The following FAM3D variants were observed in gnomAD, a reference collection of about 807,000 sequenced individuals.
The protein encoded by FAM3D is protein FAM3D.
Under a neutral mutation model 29.8 loss-of-function variants are expected in FAM3D, and 26 were observed. The ratio of observed to expected loss-of-function variants is 0.87; its 90% CI spans 0.64 to 1.21. The LOEUF (loss-of-function observed/expected upper bound fraction) is 1.21. Ranked by LOEUF, FAM3D falls within the 50% of genes most tolerant of loss-of-function variation. The pLI is 0.00. For synonymous variants in FAM3D, 115 were observed against 102.3 expected, an observed-to-expected ratio of 1.12 and a Z score of -0.75; for missense variants, 253 against 290.9, an observed-to-expected ratio of 0.87 and a Z score of 0.95.
At chr3:58,660,003 C>T (rs530043045) in intron 1 of FAM3D, among the ~76,000 whole-genome samples, 1 of 152,304 alleles carries the variant, frequency 6.6e-6, no homozygotes, top group East Asian at 1.9e-4. Flanking sequence ...TTCTGCTCCA[C>T]TTGTCTCTAC....
At chr3:58,638,268 T>A (rs1409382095) in intron 7 of FAM3D, among the ~76,000 whole-genome samples, 1 of 152,218 alleles carries the variant, frequency 6.6e-6, no homozygotes, top group African/African-American at 2.4e-5. Flanking sequence ...TATAGTTTCC[T>A]TTTAAGATAT....
At chr3:58,640,099 T>C in intron 7 of FAM3D, 28 bp downstream of exon 7, 1 of 1,613,692 alleles carries the variant, frequency 6.2e-7, no homozygotes, top group Non-Finnish European at 8.5e-7. Context: ...CCCCCGACTG[T>C]GACTTCAGTG....
chr3:58,637,283 C>T (rs2066202219), intron 7 of FAM3D, 58 bp from the exon 8 acceptor site: 1 of 1,478,292 alleles, frequency 6.8e-7, no homozygotes, highest in East Asian at 2.4e-5. Context: ...TGGTCATTCT[C>T]ATGCTTGTCT....
At chr3:58,655,737 AC>A in intron 1 of FAM3D, 136 bp from the exon 2 acceptor site, 1 of 622,372 alleles carries the variant, frequency 1.6e-6, no homozygotes, top group Non-Finnish European at 2.7e-6. Context: ...TGCCATATGA[AC>A]AAGAGGGCAA....
chr3:58,644,584 C>T (rs765152048), intron 5 of FAM3D, among the ~76,000 whole-genome samples: 13 of 152,142 alleles, frequency 8.5e-5, no homozygotes, highest in Non-Finnish European at 1.3e-4. Context: ...AGCGTGAAAA[C>T]GGACTAATAC....
At position 58,635,466 on chromosome 3, in the gene FAM3D, G is replaced by A. The variant is rs918006116; in HGVS notation, c.585+828C>T. Reference sequence around the variant, plus strand: ...CAGCTGGTTGCAGATGGATGAAGATGATGCTGGGCTTCCTGTACTCCCACG... The same window carrying A: ...CAGCTGGTTGCAGATGGATGAAGATAATGCTGGGCTTCCTGTACTCCCACG... On this transcript the variant is annotated intron_variant, in intron 9 of 9. Coordinates refer to ENST00000358781, the MANE Select transcript of FAM3D (RefSeq NM_138805.3). This position sits in a 1 kb window ranked among gnomAD's most constrained non-coding sequence, Gnocchi z 5.2. Among the ~76,000 whole-genome samples, 4 of 152,146 alleles carry A rather than the reference G, an allele frequency of 2.6e-5. No homozygotes were observed. The highest frequency in any genetic ancestry group is 7.2e-5 in the African/African-American group (3 of 41,416).
At chr3:58,662,508 C>T (rs1004286897) in intron 1 of FAM3D, among the ~76,000 whole-genome samples, 1 of 152,128 alleles carries the variant, frequency 6.6e-6, no homozygotes, top group East Asian at 1.9e-4. Context: ...TTAATTTTCC[C>T]AACAATCTTA....
Position 58,634,419 on chromosome 3 carries a change from A to T in FAM3D, c.586-51T>A. ...ATAGGCAGTGAGTGAGGCTGTTCAG[A>T]ACTCATGCCCACATGGACACTGTGC... On this transcript the variant is annotated intron_variant, in intron 9 of 9. Coordinates refer to ENST00000358781, the MANE Select transcript of FAM3D (RefSeq NM_138805.3). This position sits in a 1 kb window ranked among gnomAD's most constrained non-coding sequence, Gnocchi z 4.6. The T allele has an allele frequency of 6.5e-7, 1 of 1,527,418 alleles. No individual in the cohort carries two copies. Among genetic ancestry groups the T allele is most frequent in the Non-Finnish European group, 9.0e-7 (1 of 1,106,544 alleles). 94.6% of individuals were successfully genotyped at this position (1,527,418 alleles called of 1,614,324 possible).
chr3:58,643,673 G>C lies in FAM3D; in HGVS notation c.311C>G (p.Ala104Gly), dbSNP rs752427937. 1.2e-6 allele frequency: 2 copies of C among 1,613,680 alleles called. No homozygotes were observed. Among genetic ancestry groups the C allele is most frequent in the East Asian group, 4.5e-5 (2 of 44,888 alleles). Residue 104 changes from alanine to glycine, a missense_variant, in exon 6 of 10, where the codon GCC (alanine) becomes GGC (glycine). Physicochemically the swap from Ala to Gly is moderately conservative, Grantham distance 60 (BLOSUM62 0). Transcript: ENST00000358781. ...GATATGCAACTCACCATTCACCAGGGCGATGTTTAGGCCTCTGCCCACATT... is the reference window on the plus strand; with the variant it reads ...GATATGCAACTCACCATTCACCAGGCCGATGTTTAGGCCTCTGCCCACATT... ...KNNVGRGLNI[A>G]LVNGTTGAVL...
intron 3 of FAM3D, among the ~76,000 whole-genome samples, chr3:58,649,785 T>G (rs944770018): frequency 1.3e-5 from 2 of 152,184 alleles, no homozygotes; most frequent in African/African-American, 4.8e-5. Flanking sequence ...CATTAGAGTT[T>G]GTGCCCTAGT....
At position 58,635,540 on chromosome 3, in the gene FAM3D, G is replaced by T. The variant is rs933043480; in HGVS notation, c.585+754C>A. 6.6e-6 allele frequency among the ~76,000 whole-genome samples: 1 copy of T among 152,166 alleles called. No homozygotes were observed. Among genetic ancestry groups the T allele is most frequent in the African/African-American group, 2.4e-5 (1 of 41,440 alleles). ...CTGGGTCTGGAGCCCACGCTTTGGG[G>T]CAGGAAAGCACCACCTGCCCATGCA... is the stretch of plus-strand genomic sequence containing the variant. On this transcript the variant is annotated intron_variant, in intron 9 of 9. Transcript: ENST00000358781. This position sits in a 1 kb window ranked among gnomAD's most constrained non-coding sequence, Gnocchi z 5.2.
chr3:58,658,798 G>A (rs1166075086), intron 1 of FAM3D, among the ~76,000 whole-genome samples: 2 of 152,146 alleles, frequency 1.3e-5, no homozygotes, highest in South Asian at 2.1e-4. Context: ...GGGAGAGAGA[G>A]GCTCTCTTCT....
chr3:58,660,224 G>A (rs2066905461), intron 1 of FAM3D, among the ~76,000 whole-genome samples: 1 of 152,144 alleles, frequency 6.6e-6, no homozygotes, highest in African/African-American at 2.4e-5. Flanking sequence ...CAGACACACA[G>A]GCACACATGT....
chr3:58,645,531 T>G lies in FAM3D; in HGVS notation c.241A>C (p.Thr81Pro). The G allele has an allele frequency of 6.2e-7, 1 of 1,614,082 alleles. No individual in the cohort carries two copies. Among genetic ancestry groups the G allele is most frequent in the Non-Finnish European group, 8.5e-7 (1 of 1,179,960 alleles). The change falls in exon 5 of 10, where the codon ACT becomes CCT. Residue 81 changes from threonine to proline, a missense_variant. Physicochemically the swap from Thr to Pro is conservative, Grantham distance 38 (BLOSUM62 -1). Coordinates refer to ENST00000358781, the MANE Select transcript of FAM3D (RefSeq NM_138805.3). ...CSGAANVVGP[T>P]MCFEDRMIMS... The stretch of plus-strand genomic sequence containing the variant: ...TACATGCGGTCTTCAAAGCACATAG[T>G]AGGGCCCACGACGTTGGCGGCCCCA...
intron 5 of FAM3D, among the ~76,000 whole-genome samples, chr3:58,644,336 G>A (rs1281981020): frequency 2.0e-5 from 3 of 152,144 alleles, no homozygotes; most frequent in Non-Finnish European, 4.4e-5. Context: ...TTGAATCATG[G>A]GGGCAGGTCT....
rs577842367 is a variant in FAM3D, at chr3:58,636,090, T to C, written c.585+204A>G. 1.1e-3 allele frequency among the ~76,000 whole-genome samples: 160 copies of C among 152,374 alleles called. 1 individual carries two copies. Among genetic ancestry groups the C allele is most frequent in the African/African-American group, 3.6e-3 (151 of 41,594 alleles). Reference sequence around the variant, plus strand: ...ATCTGTATACCTGCGTATCTATATATGACCCAGCTTTTGCGAAATGGCCAA... The same window carrying C: ...ATCTGTATACCTGCGTATCTATATACGACCCAGCTTTTGCGAAATGGCCAA... On this transcript the variant is annotated intron_variant, in intron 9 of 9. Transcript: ENST00000358781.
intron 1 of FAM3D, among the ~76,000 whole-genome samples, chr3:58,663,969 C>G (rs1180076365): frequency 3.3e-5 from 5 of 152,234 alleles, no homozygotes; most frequent in African/African-American, 9.6e-5. Flanking sequence ...TGAGGTCCCC[C>G]TTCTGCAGCC....
chr3:58,664,673 G>A (rs1450198755), intron 1 of FAM3D, among the ~76,000 whole-genome samples: 1 of 152,222 alleles, frequency 6.6e-6, no homozygotes, highest in Non-Finnish European at 1.5e-5. Context: ...TTGGAAAAAG[G>A]GCAGAACTGG....
At position 58,634,527 on chromosome 3, in the gene FAM3D, G is replaced by T. The variant is rs1017461519; in HGVS notation, c.586-159C>A. ...GAGGCTCAGAGAGGGGATGCAACTT[G>T]CTCAAGATCTCAGAGATGGGATCAG... On this transcript the variant is annotated intron_variant, in intron 9 of 9. Coordinates refer to ENST00000358781, the MANE Select transcript of FAM3D (RefSeq NM_138805.3). The surrounding 1 kb of genome is among the most constrained non-coding windows in gnomAD (Gnocchi z 4.6). The T allele has an allele frequency of 1.6e-5, 10 of 614,194 alleles. No homozygotes were observed. Among genetic ancestry groups the T allele is most frequent in the Non-Finnish European group, 2.2e-5 (8 of 357,148 alleles). The allele number at this position is 614,194 out of a possible 1,614,324, so 38.0% of individuals were successfully genotyped here.
Sources: allele counts gnomAD v4.1 joint callset (sites outside exome capture counted in the v4.1 genomes callset), GRCh38; gene constraint gnomAD v4.1.1; non-coding constraint Gnocchi (gnomAD v3.1); transcripts MANE v1.5; gene names NCBI Gene and HGNC (gene_info 2026-07-23, HGNC 2026-07-21).